Variants in EDAR observed in about 807,000 individuals in gnomAD.
EDAR encodes ectodysplasin A receptor, also known as tumor necrosis factor receptor superfamily member EDAR.
A neutral mutation model predicts 51.3 loss-of-function variants in EDAR; 38 were observed. The ratio of observed to expected loss-of-function variants is 0.74; its 90% CI spans 0.57 to 0.97. The LOEUF is 0.97. Ranked by LOEUF, EDAR falls within the 50% of genes least tolerant of loss-of-function variation. The pLI is 0.00. For synonymous variants in EDAR, 227 were observed against 242.1 expected (o/e 0.94, Z 0.58); for missense variants, 528 against 595.0 (o/e 0.89, Z 1.17).
intron 1 of EDAR, among the ~76,000 whole-genome samples, chr2:108,957,668 C>G (rs1697952136): frequency 6.6e-6 from 1 of 152,260 alleles, no homozygotes; most frequent in Non-Finnish European, 1.5e-5. Context: ...GCCTTACAAA[C>G]TATTTGATGT....
chr2:108,967,478 C>T (rs768993226), intron 1 of EDAR, among the ~76,000 whole-genome samples: 3 of 152,178 alleles, frequency 2.0e-5, no homozygotes, highest in Middle Eastern at 3.4e-3. Flanking sequence ...TTCGTGTTTA[C>T]GGGTCTCCTA....
chr2:108,921,350 G>C (rs1697136220), intron 5 of EDAR, among the ~76,000 whole-genome samples: 2 of 152,192 alleles, frequency 1.3e-5, no homozygotes, highest in Admixed American at 1.3e-4. Context: ...CTCAGCCAGG[G>C]GCCCTTGGCA....
chr2:108,921,661 A>C (rs1697144151), intron 5 of EDAR, among the ~76,000 whole-genome samples: 1 of 152,216 alleles, frequency 6.6e-6, no homozygotes, highest in Non-Finnish European at 1.5e-5. Context: ...ACTGCTGGGC[A>C]GGTGCTCTGA....
chr2:108,957,110 G>C (rs1417674301), intron 1 of EDAR, among the ~76,000 whole-genome samples: 3 of 152,210 alleles, frequency 2.0e-5, no homozygotes, highest in African/African-American at 7.2e-5. Context: ...CTGTGTAACT[G>C]TGGGACTTGC....
chr2:108,975,712 G>A (rs1208675867), intron 1 of EDAR, among the ~76,000 whole-genome samples: 6 of 152,266 alleles, frequency 3.9e-5, no homozygotes, highest in East Asian at 3.9e-4. Context: ...TGTGGTGGTC[G>A]GAGGAAATGA....
intron 1 of EDAR, among the ~76,000 whole-genome samples, chr2:108,936,705 T>C (rs1389330681): frequency 6.6e-6 from 1 of 152,088 alleles, no homozygotes; most frequent in Admixed American, 6.5e-5. Flanking sequence ...ACACTTCCAT[T>C]TGATGTGATT....
At chr2:108,987,162 T>C (rs1698512536) in intron 1 of EDAR, among the ~76,000 whole-genome samples, 1 of 152,228 alleles carries the variant, frequency 6.6e-6, no homozygotes, top group Non-Finnish European at 1.5e-5. Context: ...TCAGATTTGC[T>C]TGAGTCTTTG....
chr2:108,944,681 C>G (rs923105773), intron 1 of EDAR, among the ~76,000 whole-genome samples: 7 of 152,156 alleles, frequency 4.6e-5, no homozygotes, highest in African/African-American at 1.7e-4. Flanking sequence ...AGGAGAGGCC[C>G]TGGGTCCTGG....
At chr2:108,938,745 A>C (rs1410865322) in intron 1 of EDAR, among the ~76,000 whole-genome samples, 1 of 152,064 alleles carries the variant, frequency 6.6e-6, no homozygotes, top group Non-Finnish European at 1.5e-5. Context: ...TAACTAACAC[A>C]TTGCTTTAAA....
Position 108,952,062 on chromosome 2 carries a change from ATTTG to A in EDAR, c.-18-21034_-18-21031del, listed in dbSNP as rs533943984. ...TCTCTTGTTACTGCTTTGTTTTTTC[ATTTG>A]TTTGTTTGACGGAAGGTCAAAAGGG... On this transcript the variant is annotated intron_variant, in intron 1 of 11. Coordinates refer to ENST00000258443, the MANE Select transcript of EDAR (RefSeq NM_022336.4). 7.0e-4 allele frequency among the ~76,000 whole-genome samples: 106 copies of A among 152,258 alleles called. 1 individual carries two copies. Among genetic ancestry groups the A allele is most frequent in the East Asian group, 2.9e-3 (15 of 5,174 alleles).
In EDAR at chr2:108,930,242, C is replaced by A. The variant is rs764964749; in HGVS notation, c.52G>T (p.Val18Leu). The A allele has an allele frequency of 8.1e-6, 13 of 1,614,102 alleles. No homozygotes were observed. Among genetic ancestry groups the A allele is most frequent in the South Asian group, 7.7e-5 (7 of 91,080 alleles). Residue 18 changes from valine (V) to leucine (L), a missense_variant and splice_region_variant, in exon 3 of 12, where the codon GTG (valine) becomes TTG (leucine). Physicochemically the swap from Val to Leu is conservative, Grantham distance 32 (BLOSUM62 1). Coordinates refer to ENST00000258443, the MANE Select transcript of EDAR (RefSeq NM_022336.4). ...TQTPWLPVLV[V>L]SLMCSARAEY... Reference sequence around the variant, plus strand: ...GCTCGGGCTGAGCACATCAGAGACACCTGCCAACAAAGGGGGGTGTTGTGG... The same window carrying A: ...GCTCGGGCTGAGCACATCAGAGACAACTGCCAACAAAGGGGGGTGTTGTGG...
chr2:108,905,672 C>T (rs575098052), intron 11 of EDAR, among the ~76,000 whole-genome samples: 13 of 152,146 alleles, frequency 8.5e-5, no homozygotes, highest in Non-Finnish European at 1.6e-4. Context: ...TGACCTCAGC[C>T]ATGAGGGATT....
In EDAR at chr2:108,897,082, A is replaced by T; in HGVS notation, c.1172T>A (p.Met391Lys). The T allele has an allele frequency of 6.2e-7, 1 of 1,614,162 alleles. No homozygotes were observed. Among genetic ancestry groups the T allele is most frequent in the Admixed American group, 1.7e-5 (1 of 60,024 alleles). ...FGLKRDEIGG[M>K]TDGMQLFDRI... ...GTCAAAGAGTTGCATGCCGTCTGTC[A>T]TGCCCCCAATCTCATCCCTCTTCAG... The change falls in exon 12 of 12, where the codon ATG becomes AAG. Residue 391 changes from methionine to lysine, a missense_variant. Met to Lys is a moderately conservative substitution (Grantham distance 95). Transcript: ENST00000258443.
At chr2:108,905,308 C>T (rs1696779793) in intron 11 of EDAR, among the ~76,000 whole-genome samples, 1 of 152,106 alleles carries the variant, frequency 6.6e-6, no homozygotes, top group Non-Finnish European at 1.5e-5. Flanking sequence ...AAGGTGAGTC[C>T]TAGACCATCC....
chr2:108,929,769 C>T (rs1285026969), intron 3 of EDAR, among the ~76,000 whole-genome samples: 6 of 152,244 alleles, frequency 3.9e-5, no homozygotes, highest in Admixed American at 6.5e-5. Context: ...TGCCCAGAGG[C>T]GGAGGGAGAT....
In EDAR at chr2:108,972,459, C is replaced by T. The variant is rs147926529; in HGVS notation, c.-19+16501G>A. On this transcript the variant is annotated intron_variant, in intron 1 of 11. Coordinates refer to ENST00000258443, the MANE Select transcript of EDAR (RefSeq NM_022336.4). ...GGCTTTCATGCCAACGTGCCAGACACTGCCCTTTCCAATCCTGCCCGCTGT... is the reference window on the plus strand; with the variant it reads ...GGCTTTCATGCCAACGTGCCAGACATTGCCCTTTCCAATCCTGCCCGCTGT... 7.2e-3 allele frequency among the ~76,000 whole-genome samples: 1,103 copies of T among 152,366 alleles called. 8 individuals are homozygous for T. Among genetic ancestry groups the T allele is most frequent in the South Asian group, 0.028 (136 of 4,832 alleles).
chr2:108,982,276 A>G (rs1193466310), intron 1 of EDAR, among the ~76,000 whole-genome samples: 2 of 152,346 alleles, frequency 1.3e-5, no homozygotes, highest in South Asian at 2.1e-4. Context: ...CATCCAGCCC[A>G]CACTGGGAGA....
intron 1 of EDAR, among the ~76,000 whole-genome samples, chr2:108,946,797 G>A (rs1304783650): frequency 6.6e-6 from 1 of 152,116 alleles, no homozygotes; most frequent in Non-Finnish European, 1.5e-5. Flanking sequence ...CTCCCACCAT[G>A]TTTCTCCCTT....
chr2:108,932,256 C>T (rs1013769915), intron 1 of EDAR, among the ~76,000 whole-genome samples: 3 of 152,046 alleles, frequency 2.0e-5, no homozygotes, highest in Non-Finnish European at 4.4e-5. Flanking sequence ...AGGCTGAGCG[C>T]GGTGGCTCAC....
Sources: allele counts gnomAD v4.1 joint callset (sites outside exome capture counted in the v4.1 genomes callset), GRCh38; gene constraint gnomAD v4.1.1; transcripts MANE v1.5; gene names NCBI Gene and HGNC (gene_info 2026-07-23, HGNC 2026-07-21).